The following DNAJC3 variants were observed in gnomAD, a reference collection of about 807,000 sequenced individuals.
DNAJC3 encodes DnaJ heat shock protein family (Hsp40) member C3.
Under a neutral mutation model 68.6 loss-of-function variants are expected in DNAJC3, and 38 were observed. That is an observed-to-expected ratio of 0.55 (90% confidence interval 0.43 to 0.73). DNAJC3 has a LOEUF of 0.73. Ranked by LOEUF, DNAJC3 falls within the 30% of genes least tolerant of loss-of-function variation. DNAJC3 has a pLI of 0.00. For synonymous variants in DNAJC3, 203 were observed against 204.0 expected (o/e 1.00, Z 0.04); for missense variants, 526 against 591.9 (o/e 0.89, Z 1.16).
At chr13:95,749,902 T>C (rs1445547851) in intron 4 of DNAJC3, among the ~76,000 whole-genome samples, 2 of 152,086 alleles carry the variant, frequency 1.3e-5, no homozygotes, top group Non-Finnish European at 2.9e-5. Context: ...ACAAAAAAAT[T>C]AGCTGGGCGT....
At chr13:95,779,119 CTTTTTTT>C (rs142933580) in intron 9 of DNAJC3, among the ~76,000 whole-genome samples, 1 of 97,974 alleles carries the variant, frequency 1.0e-5, no homozygotes, top group African/African-American at 4.4e-5. Flanking sequence ...TTTCTTCTTT[CTTTTTTT>C]TTTTTTTTTT....
intron 2 of DNAJC3, among the ~76,000 whole-genome samples, chr13:95,714,254 T>C (rs979248314): frequency 6.6e-6 from 1 of 152,132 alleles, no homozygotes; most frequent in African/African-American, 2.4e-5. Flanking sequence ...ATAATGAATA[T>C]AAATATTTCT....
At chr13:95,691,591 G>T (rs1186510165) in intron 1 of DNAJC3, among the ~76,000 whole-genome samples, 1 of 151,360 alleles carries the variant, frequency 6.6e-6, no homozygotes, top group African/African-American at 2.4e-5. Context: ...AGGCAGAGGG[G>T]CTCCTCACAT....
intron 2 of DNAJC3, among the ~76,000 whole-genome samples, chr13:95,719,947 T>A (rs1477237626): frequency 6.6e-6 from 1 of 152,202 alleles, no homozygotes; most frequent in Non-Finnish European, 1.5e-5. Context: ...AAATAGTTGT[T>A]TTACTGTACT....
At chr13:95,710,652 G>A (rs569745047) in intron 2 of DNAJC3, among the ~76,000 whole-genome samples, 122 of 151,860 alleles carry the variant, frequency 8.0e-4, no homozygotes, top group South Asian at 1.7e-3. Context: ...GTTAACAACC[G>A]AGGGTGGTGT....
At chr13:95,761,912 CT>C (rs912502814) in intron 7 of DNAJC3, among the ~76,000 whole-genome samples, 2 of 152,020 alleles carry the variant, frequency 1.3e-5, no homozygotes, top group African/African-American at 2.4e-5. Flanking sequence ...GCAGGATGGG[CT>C]TTTTTCCCCC....
At chr13:95,755,751 C>T (rs1245230820) in intron 4 of DNAJC3, among the ~76,000 whole-genome samples, 6 of 106,658 alleles carry the variant, frequency 5.6e-5, no homozygotes, top group Non-Finnish European at 8.9e-5. Context: ...AGCGAGACGC[C>T]GTCTCAAAAA....
chr13:95,793,399 C>CCTGT lies in DNAJC3; in HGVS notation c.*2372_*2375dup. The CCTGT allele has an allele frequency of 6.6e-6, 1 of 151,756 alleles. No individual in the cohort carries two copies. The highest frequency in any genetic ancestry group is 1.9e-4 in the East Asian group (1 of 5,158). The allele number at this position is 151,756 out of a possible 1,614,324, so 9.4% of individuals were successfully genotyped here. The stretch of plus-strand genomic sequence containing the variant: ...TGTAAAGAGATAGTCATTCCCCCTG[C>CCTGT]CTGTCTCACTGTAGGGTAGCATTAT... On this transcript the variant is annotated 3_prime_UTR_variant, in exon 12 of 12. Coordinates refer to ENST00000602402, the MANE Select transcript of DNAJC3 (RefSeq NM_006260.5).
chr13:95,790,072 GAT>G (rs780126249), intron 11 of DNAJC3, among the ~76,000 whole-genome samples: 18 of 152,152 alleles, frequency 1.2e-4, no homozygotes, highest in Non-Finnish European at 2.6e-4. Context: ...TTACTCTGTT[GAT>G]AGTTTCTTTT....
At chr13:95,773,731 CTTTTTT>C (rs143145399) in intron 9 of DNAJC3, among the ~76,000 whole-genome samples, 4 of 71,326 alleles carry the variant, frequency 5.6e-5, no homozygotes, top group East Asian at 4.7e-4. Flanking sequence ...TTTTGTTGGT[CTTTTTT>C]TTTTTTTTTT....
At chr13:95,733,703 CTTTTT>C (rs146677839) in intron 4 of DNAJC3, among the ~76,000 whole-genome samples, 5 of 102,958 alleles carry the variant, frequency 4.9e-5, no homozygotes, top group South Asian at 6.7e-4. Flanking sequence ...CCTGGCCTGT[CTTTTT>C]TTTTTTTTTT....
At chr13:95,737,644 AT>A (rs1326195250) in intron 4 of DNAJC3, among the ~76,000 whole-genome samples, 1 of 151,818 alleles carries the variant, frequency 6.6e-6, no homozygotes. Flanking sequence ...GGTAGTTTGT[AT>A]TGCTGTGGGA....
At chr13:95,779,345 C>T (rs555185109) in intron 9 of DNAJC3, among the ~76,000 whole-genome samples, 7 of 151,962 alleles carry the variant, frequency 4.6e-5, no homozygotes, top group Non-Finnish European at 7.4e-5. Context: ...AGGATGGTCT[C>T]GATCTCCTGA....
intron 1 of DNAJC3, among the ~76,000 whole-genome samples, chr13:95,704,614 G>A (rs1038968072): frequency 6.6e-6 from 1 of 152,150 alleles, no homozygotes; most frequent in African/African-American, 2.4e-5. Context: ...TATGAATGGT[G>A]GAGTTGGCAG....
At chr13:95,757,564 A>C in intron 4 of DNAJC3, 80 bp from the exon 5 acceptor site, 3 of 1,330,130 alleles carry the variant, frequency 2.3e-6, no homozygotes, top group Middle Eastern at 2.1e-4. Context: ...AAGTATTTGG[A>C]ATGGTTTACC....
At chr13:95,702,579 G>T (rs1880614392) in intron 1 of DNAJC3, among the ~76,000 whole-genome samples, 1 of 152,178 alleles carries the variant, frequency 6.6e-6, no homozygotes, top group African/African-American at 2.4e-5. Flanking sequence ...CCATATGAAA[G>T]AGGCCTGAAG....
At chr13:95,790,820 T>C in intron 11 of DNAJC3, 53 bp from the exon 12 acceptor site, 1 of 936,258 alleles carries the variant, frequency 1.1e-6, no homozygotes, top group South Asian at 1.4e-5. Context: ...ACATTCCCCC[T>C]GCCCCTATAC....
chr13:95,680,305 A>G (rs1879878501), intron 1 of DNAJC3, among the ~76,000 whole-genome samples: 1 of 152,176 alleles, frequency 6.6e-6, no homozygotes, highest in Non-Finnish European at 1.5e-5. Flanking sequence ...AGCTGATTAA[A>G]CCATATATTT....
intron 11 of DNAJC3, among the ~76,000 whole-genome samples, chr13:95,789,254 C>G (rs1253412346): frequency 6.6e-6 from 1 of 151,992 alleles, no homozygotes; most frequent in Non-Finnish European, 1.5e-5. Context: ...TTTCATCACC[C>G]AGGTATTAAG....
Sources: gnomAD v4.1 joint callset for allele counts (sites outside exome capture counted in the v4.1 genomes callset) on GRCh38, gnomAD v4.1.1 for gene constraint, MANE v1.5 for transcripts, NCBI Gene and HGNC (gene_info 2026-07-23, HGNC 2026-07-21) for gene names.